SPAG16: variants seen among roughly 807,000 people sequenced by gnomAD.
SPAG16 encodes sperm associated antigen 16.
Under a neutral mutation model 80.4 loss-of-function variants are expected in SPAG16, and 86 were observed. That is an observed-to-expected ratio of 1.07 (90% CI 0.90 to 1.28). The LOEUF (loss-of-function observed/expected upper bound fraction) is 1.28. Ranked by LOEUF, SPAG16 falls within the 50% of genes most tolerant of loss-of-function variation. The pLI, the probability that SPAG16 is intolerant of heterozygous loss-of-function variation, is 0.00. For missense variants in SPAG16, 870 were observed against 765.3 expected (o/e 1.14, Z -1.61); for synonymous variants, 294 against 265.9 (o/e 1.11, Z -1.03).
intron 9 of SPAG16, among the ~76,000 whole-genome samples, chr2:213,386,881 A>G (rs2067456858): frequency 6.6e-6 from 1 of 152,210 alleles, no homozygotes; most frequent in Admixed American, 6.5e-5. Flanking sequence ...TACCTGTGGA[A>G]TATATTTTAT....
chr2:213,468,656 T>TATC (rs1553538790), intron 9 of SPAG16, among the ~76,000 whole-genome samples: 1 of 141,810 alleles, frequency 7.1e-6, no homozygotes, highest in Non-Finnish European at 1.5e-5. Flanking sequence ...ATATCTCCTA[T>TATC]TGTGTGTGTG....
At chr2:214,177,900 CATATATATATATATACAT>C (rs1290548341) in intron 15 of SPAG16, among the ~76,000 whole-genome samples, 4 of 63,972 alleles carry the variant, frequency 6.3e-5, no homozygotes, top group Non-Finnish European at 1.1e-4. Context: ...TATATATATA[CATATATATATATATACAT>C]ATATATATAT....
chr2:213,700,038 C>T (rs561849268), intron 10 of SPAG16, among the ~76,000 whole-genome samples: 2 of 152,232 alleles, frequency 1.3e-5, no homozygotes, highest in South Asian at 4.1e-4. Context: ...ACATATCTAT[C>T]TGTCATGATT....
rs144667825 is a variant in SPAG16, at chr2:214,398,775, T to C, written c.1721-11365T>C. 5.9e-5 allele frequency among the ~76,000 whole-genome samples: 9 copies of C among 152,368 alleles called. 1 individual carries two copies. The East Asian group carries it at 1.7e-3, about 29-fold the overall frequency. On this transcript the variant is annotated intron_variant, in intron 15 of 15. Transcript: ENST00000331683. ...GCCAAATTAGCTTAACTTTCTGGCATAACTACTTTTGTTTCCCCTCAGGCT... is the reference window on the plus strand; with the variant it reads ...GCCAAATTAGCTTAACTTTCTGGCACAACTACTTTTGTTTCCCCTCAGGCT...
chr2:213,545,216 A>T (rs1371572099), intron 10 of SPAG16, among the ~76,000 whole-genome samples: 1 of 152,162 alleles, frequency 6.6e-6, no homozygotes, highest in Non-Finnish European at 1.5e-5. Flanking sequence ...TTCTGATGAC[A>T]TATGATGTAG....
At chr2:213,352,057 C>CA (rs2065360506) in intron 7 of SPAG16, among the ~76,000 whole-genome samples, 1 of 151,892 alleles carries the variant, frequency 6.6e-6, no homozygotes, top group Admixed American at 6.6e-5. Flanking sequence ...TGCTTGCACT[C>CA]ACTCTCTTTC....
chr2:213,388,637 C>A (rs2067576843), intron 9 of SPAG16, among the ~76,000 whole-genome samples: 1 of 152,122 alleles, frequency 6.6e-6, no homozygotes, highest in Non-Finnish European at 1.5e-5. Flanking sequence ...GGAGGAGAAT[C>A]TGATTTCCAG....
At position 213,344,622 on chromosome 2, in the gene SPAG16, A is replaced by T. The variant is rs534776452; in HGVS notation, c.644+4352A>T. 6.8e-4 allele frequency among the ~76,000 whole-genome samples: 103 copies of T among 152,202 alleles called. 1 individual carries two copies. The highest frequency in any genetic ancestry group is 1.3e-3 in the Non-Finnish European group (90 of 67,990). ...TCAGTTCCCACCTATGAGTGAGAAC[A>T]TGCGGTGTTTGGTTTTTTGTCCTTG... On this transcript the variant is annotated intron_variant, in intron 6 of 15. Transcript: ENST00000331683.
chr2:214,028,760 A>AAAGG (rs1381936214), intron 13 of SPAG16, among the ~76,000 whole-genome samples: 3 of 151,900 alleles, frequency 2.0e-5, no homozygotes, highest in African/African-American at 7.2e-5. Flanking sequence ...TTTTGTTAAA[A>AAAGG]ATGTATGTAT....
chr2:213,944,292 A>G (rs2079345730), intron 12 of SPAG16, among the ~76,000 whole-genome samples: 2 of 152,232 alleles, frequency 1.3e-5, no homozygotes, highest in African/African-American at 4.8e-5. Context: ...ATCCCACTGG[A>G]TCCAGAGGCA....
chr2:213,897,726 C>T (rs1413280265), intron 11 of SPAG16, among the ~76,000 whole-genome samples: 1 of 152,138 alleles, frequency 6.6e-6, no homozygotes, highest in African/African-American at 2.4e-5. Flanking sequence ...CATCTAATTT[C>T]TAATTCCAGC....
At chr2:214,155,145 A>G (rs2056157376) in intron 15 of SPAG16, among the ~76,000 whole-genome samples, 2 of 152,138 alleles carry the variant, frequency 1.3e-5, no homozygotes, top group Admixed American at 6.6e-5. Context: ...AGCCACACAC[A>G]GAGAACTGGA....
chr2:213,879,163 A>AT (rs201367996), intron 11 of SPAG16, among the ~76,000 whole-genome samples: 2,406 of 150,612 alleles, frequency 0.016, 48 homozygotes, highest in African/African-American at 0.055. Flanking sequence ...GAATTTTAGG[A>AT]TTTTTTTTTC....
chr2:214,163,086 A>T (rs2056512400), intron 15 of SPAG16, among the ~76,000 whole-genome samples: 1 of 152,120 alleles, frequency 6.6e-6, no homozygotes, highest in African/African-American at 2.4e-5. Context: ...ATCCTTAACC[A>T]CAAATGGTAA....
intron 13 of SPAG16, among the ~76,000 whole-genome samples, chr2:214,045,674 C>T (rs2049280104): frequency 6.6e-6 from 1 of 152,002 alleles, no homozygotes; most frequent in South Asian, 2.1e-4. Flanking sequence ...TTAATGAAAA[C>T]ACATCATACT....
intron 10 of SPAG16, among the ~76,000 whole-genome samples, chr2:213,814,181 A>C (rs926655078): frequency 3.3e-5 from 5 of 152,188 alleles, no homozygotes; most frequent in African/African-American, 1.2e-4. Context: ...TCTTCAGTAC[A>C]AAATCTGCAG....
chr2:213,355,670 G>C (rs7355567), intron 7 of SPAG16, among the ~76,000 whole-genome samples: 33,475 of 152,040 alleles, frequency 0.22, 4,528 homozygotes, highest in Non-Finnish European at 0.31. Context: ...CTGTTTGTCT[G>C]TTATTGGTGT....
intron 10 of SPAG16, among the ~76,000 whole-genome samples, chr2:213,682,903 A>C (rs548387581): frequency 6.6e-6 from 1 of 152,276 alleles, no homozygotes; most frequent in African/African-American, 2.4e-5. Flanking sequence ...TGCTCTGTCA[A>C]TTTGTATTGG....
chr2:214,159,945 T>A (rs2056372471), intron 15 of SPAG16, among the ~76,000 whole-genome samples: 1 of 152,016 alleles, frequency 6.6e-6, no homozygotes, highest in Admixed American at 6.6e-5. Flanking sequence ...TTATGTTAAT[T>A]CGGTTGACAA....
Sources: gnomAD v4.1 joint callset for allele counts (sites outside exome capture counted in the v4.1 genomes callset) on GRCh38, gnomAD v4.1.1 for gene constraint, MANE v1.5 for transcripts, NCBI Gene and HGNC (gene_info 2026-07-23, HGNC 2026-07-21) for gene names.